Variants in TMTC1 observed in about 807,000 individuals in gnomAD.
TMTC1 encodes transmembrane O-mannosyltransferase targeting cadherins 1.
TMTC1 carries 73 observed loss-of-function variants against 104.8 expected under a neutral mutation model. The observed-to-expected ratio is 0.70, with a 90% CI of 0.58 to 0.85. The LOEUF is 0.85. Among genes scored for constraint, TMTC1 ranks in the 40% least tolerant of loss-of-function variants. The pLI, the probability that TMTC1 is intolerant of heterozygous loss-of-function variation, is 0.00. For synonymous variants in TMTC1, 434 were observed against 428.7 expected, an observed-to-expected ratio of 1.01 and a Z score of -0.15; for missense variants, 1,035 against 1,096.1, an observed-to-expected ratio of 0.94 and a Z score of 0.79.
chr12:29,602,258 T>TAA (rs1946587823), intron 7 of TMTC1, among the ~76,000 whole-genome samples: 1 of 152,152 alleles, frequency 6.6e-6, no homozygotes, highest in Non-Finnish European at 1.5e-5. Flanking sequence ...TCCCCCACCT[T>TAA]AGTCTCCTGA....
At chr12:29,767,858 A>ACATC (rs1555198368) in intron 2 of TMTC1, 40 bp downstream of exon 2, 1 of 1,502,616 alleles carries the variant, frequency 6.7e-7, no homozygotes, top group East Asian at 2.4e-5. Context: ...ACATACACAC[A>ACATC]TTCATATTCG....
intron 5 of TMTC1, among the ~76,000 whole-genome samples, chr12:29,685,953 G>A (rs1249040671): frequency 1.4e-5 from 2 of 146,602 alleles, no homozygotes; most frequent in East Asian, 4.0e-4. Context: ...AAAAAAAGGT[G>A]AGCCTGGAAA....
At chr12:29,731,637 G>A (rs574957926) in intron 5 of TMTC1, among the ~76,000 whole-genome samples, 100 of 3,360 alleles carry the variant, frequency 0.03, no homozygotes, top group Admixed American at 0.014. Flanking sequence ...TAAATAACTC[G>A]ATAAGCAAGT....
At chr12:29,559,920 TA>T (rs935267723) in intron 9 of TMTC1, among the ~76,000 whole-genome samples, 6 of 151,872 alleles carry the variant, frequency 4.0e-5, no homozygotes, top group Non-Finnish European at 8.8e-5. Context: ...GAAAAATATC[TA>T]AAAAAAAGAA....
At chr12:29,744,861 A>G (rs1942910771) in intron 5 of TMTC1, among the ~76,000 whole-genome samples, 2 of 152,252 alleles carry the variant, frequency 1.3e-5, no homozygotes, top group Non-Finnish European at 1.5e-5. Context: ...AACACAGTTC[A>G]TAATTAAAAA....
At chr12:29,578,794 C>T (rs159691) in intron 8 of TMTC1, among the ~76,000 whole-genome samples, 119,437 of 152,064 alleles carry the variant, frequency 0.79, 48,824 homozygotes, top group East Asian at 0.92. Context: ...GAAAAAAATA[C>T]TTGTAGTGTT....
At chr12:29,667,493 T>C (rs10843472) in intron 5 of TMTC1, among the ~76,000 whole-genome samples, 44,472 of 151,996 alleles carry the variant, frequency 0.29, 6,596 homozygotes, top group East Asian at 0.33. Context: ...AAAGAAGCCA[T>C]AGGAGAAAAT....
At chr12:29,637,085 A>AACACAC (rs200543052) in intron 5 of TMTC1, among the ~76,000 whole-genome samples, 66 of 47,694 alleles carry the variant, frequency 1.4e-3, no homozygotes, top group East Asian at 7.7e-3. Flanking sequence ...CAAAATGAGA[A>AACACAC]ACACACACAC....
intron 6 of TMTC1, among the ~76,000 whole-genome samples, chr12:29,628,864 G>T (rs1193650403): frequency 6.6e-6 from 1 of 151,938 alleles, no homozygotes; most frequent in Non-Finnish European, 1.5e-5. Flanking sequence ...GTTTCACCAT[G>T]TTGGCCAGGC....
chr12:29,705,418 G>C (rs548647667), intron 5 of TMTC1, among the ~76,000 whole-genome samples: 1 of 152,352 alleles, frequency 6.6e-6, no homozygotes, highest in Non-Finnish European at 1.5e-5. Flanking sequence ...TTTGGTAAGA[G>C]AAATTTACAT....
At chr12:29,526,321 C>A (rs1461109632) in intron 11 of TMTC1, among the ~76,000 whole-genome samples, 1 of 152,142 alleles carries the variant, frequency 6.6e-6, no homozygotes. Flanking sequence ...ATGCTTAATA[C>A]TGAATTTAGA....
At chr12:29,690,278 C>T (rs778602888) in intron 5 of TMTC1, among the ~76,000 whole-genome samples, 22 of 152,292 alleles carry the variant, frequency 1.4e-4, no homozygotes, top group Non-Finnish European at 2.8e-4. Context: ...AAACATATTG[C>T]TTTCCTTATG....
chr12:29,644,423 G>A (rs189803148), intron 5 of TMTC1, among the ~76,000 whole-genome samples: 1 of 151,692 alleles, frequency 6.6e-6, no homozygotes, highest in Non-Finnish European at 1.5e-5. Context: ...TATACTGCTT[G>A]GATAATGGGT....
intron 3 of TMTC1, among the ~76,000 whole-genome samples, 161 bp downstream of exon 3, chr12:29,758,543 G>A (rs1053905634): frequency 2.6e-5 from 4 of 151,588 alleles, no homozygotes; most frequent in Admixed American, 6.7e-5. Context: ...AAGAGAAAAC[G>A]GCCCAGCACT....
At chr12:29,702,346 T>G (rs896907817) in intron 5 of TMTC1, among the ~76,000 whole-genome samples, 1 of 152,300 alleles carries the variant, frequency 6.6e-6, no homozygotes, top group Admixed American at 6.5e-5. Context: ...CCAAAACTTG[T>G]CGGGCTCAGA....
chr12:29,520,072 G>A (rs772857299), intron 12 of TMTC1, among the ~76,000 whole-genome samples: 55 of 152,182 alleles, frequency 3.6e-4, no homozygotes, highest in Non-Finnish European at 7.3e-4. Flanking sequence ...ATAAAGAAAA[G>A]AGAATTCATG....
At position 29,742,725 on chromosome 12, in the gene TMTC1, A is replaced by G. The variant is rs573181898; in HGVS notation, c.938+8941T>C. 1.4e-4 allele frequency among the ~76,000 whole-genome samples: 22 copies of G among 152,324 alleles called. No homozygotes were observed. The South Asian group carries it at 1.7e-3, about 11-fold the overall frequency. On this transcript the variant is annotated intron_variant, in intron 5 of 17. Transcript: ENST00000539277. ...CTCTAAATATGCCTTTTGAGACATA[A>G]CAAGGATGGCATTCATCAGTTAAGA...
intron 1 of TMTC1, among the ~76,000 whole-genome samples, chr12:29,772,654 G>A (rs920247251): frequency 1.3e-5 from 2 of 152,128 alleles, no homozygotes; most frequent in African/African-American, 4.8e-5. Flanking sequence ...TAACACTGAA[G>A]CTAGTACACA....
chr12:29,724,157 C>T (rs554913671), intron 5 of TMTC1, among the ~76,000 whole-genome samples: 3 of 152,130 alleles, frequency 2.0e-5, no homozygotes, highest in Non-Finnish European at 4.4e-5. Context: ...ACTATGTGAT[C>T]AATCTCATTA....
Sources: allele counts gnomAD v4.1 joint callset (sites outside exome capture counted in the v4.1 genomes callset), GRCh38; gene constraint gnomAD v4.1.1; transcripts MANE v1.5; gene names NCBI Gene and HGNC (gene_info 2026-07-23, HGNC 2026-07-21).